Variants in ADPRHL1 observed in about 807,000 individuals in gnomAD.
ADPRHL1 encodes inactive ADP-ribosyltransferase ARH2.
A neutral mutation model predicts 44.1 loss-of-function variants in ADPRHL1; 43 were observed. The observed-to-expected ratio is 0.98, with a 90% CI of 0.76 to 1.26. The LOEUF (loss-of-function observed/expected upper bound fraction) is 1.26, where lower values mean the gene tolerates loss of function less well. ADPRHL1 is among the 50% of genes most tolerant of loss of function. ADPRHL1 has a pLI of 0.00. For missense variants in ADPRHL1, 2,022 were observed against 2,496.9 expected, an observed-to-expected ratio of 0.81 and a Z score of 4.05; for synonymous variants, 878 against 1,017.4, an observed-to-expected ratio of 0.86 and a Z score of 2.61.
At chr13:113,413,271 G>A (rs761993767) in intron 7 of ADPRHL1, among the ~76,000 whole-genome samples, 15 of 152,200 alleles carry the variant, frequency 9.9e-5, no homozygotes, top group Non-Finnish European at 1.8e-4. Flanking sequence ...CAACCTCGCT[G>A]TGCCCTTCAG....
rs1190113204 is a variant in ADPRHL1, at chr13:113,403,526, C to T, written c.5756G>A (p.Arg1919Lys). 3 of 1,231,940 alleles carry T rather than the reference C, an allele frequency of 2.4e-6. No individual in the cohort carries two copies. The highest frequency in any genetic ancestry group is 3.0e-6 in the Non-Finnish European group (3 of 988,042). 76.3% of individuals were successfully genotyped at this position (1,231,940 alleles called of 1,614,324 possible). ...ACGCTCGGGCTCCGATGCCTCCATC[C>T]TGTCCTGCAGGGCCCTCTCAGCCCC... ...HPGAERALQD[R>K]MEASEPERRG... Residue 1919 changes from arginine (R) to lysine (K), a missense_variant, in exon 8 of 8, where the codon AGG (arginine) becomes AAG (lysine). Coordinates refer to ENST00000612156, the MANE Select transcript of ADPRHL1 (RefSeq NM_001394807.1).
intron 7 of ADPRHL1, among the ~76,000 whole-genome samples, chr13:113,420,298 G>A (rs2043908809): frequency 6.6e-6 from 1 of 152,160 alleles, no homozygotes; most frequent in Non-Finnish European, 1.5e-5. Context: ...TTTTGTGTTT[G>A]TGTGTTTTAA....
intron 7 of ADPRHL1, among the ~76,000 whole-genome samples, chr13:113,414,367 A>G (rs2043876328): frequency 6.6e-6 from 1 of 151,924 alleles, no homozygotes; most frequent in South Asian, 2.1e-4. Context: ...CCCTCTGCGG[A>G]TGAGCCTGGA....
chr13:113,453,271 C>T lies in ADPRHL1; in HGVS notation c.167G>A (p.Ser56Asn). The T allele has an allele frequency of 6.2e-7, 1 of 1,614,210 alleles. No individual in the cohort carries two copies. Among genetic ancestry groups the T allele is most frequent in the Non-Finnish European group, 8.5e-7 (1 of 1,180,044 alleles). ...TGCGATGTGCATGATGGTGTTGTCACTCACGGGCCATTCTCCTGGCGAGAG... is the reference window on the plus strand; with the variant it reads ...TGCGATGTGCATGATGGTGTTGTCATTCACGGGCCATTCTCCTGGCGAGAG... ...LVLSPGEWPV[S>N]DNTIMHIATA... Residue 56 changes from serine (S) to asparagine (N), a missense_variant, in exon 1 of 8, where the codon AGT becomes AAT. Coordinates refer to ENST00000612156, the MANE Select transcript of ADPRHL1 (RefSeq NM_001394807.1). This position sits in a 1 kb window ranked among gnomAD's most constrained non-coding sequence, Gnocchi z 5.4.
At chr13:113,429,326 C>T (rs542466400) in intron 3 of ADPRHL1, among the ~76,000 whole-genome samples, 19 of 152,358 alleles carry the variant, frequency 1.2e-4, no homozygotes, top group Admixed American at 1.1e-3. Flanking sequence ...TCCACTCACC[C>T]CACCGCCCTC....
chr13:113,420,868 C>T, intron 7 of ADPRHL1, among the ~76,000 whole-genome samples: 1 of 150,920 alleles, frequency 6.6e-6, no homozygotes, highest in Admixed American at 6.6e-5. Flanking sequence ...CACCTAGCCC[C>T]AGGACCCGCC....
Position 113,406,190 on chromosome 13 carries a change from G to T in ADPRHL1, c.3092C>A (p.Thr1031Asn), listed in dbSNP as rs183941362. 4.9e-6 allele frequency: 6 copies of T among 1,232,206 alleles called. No homozygotes were observed. The Admixed American group carries it at 2.1e-4, about 43-fold the overall frequency. The allele number at this position is 1,232,206 out of a possible 1,614,324, so 76.3% of individuals were successfully genotyped here. A position where few individuals can be genotyped will look rare whatever the true frequency, so the allele number is the denominator to read the frequency against. Residue 1031 changes from threonine (T) to asparagine (N), a missense_variant, in exon 8 of 8, where the codon ACT (threonine) becomes AAT (asparagine). Around this residue, in one of 8 missense-constraint regions of ADPRHL1, gnomAD observed 1,221 missense variants for 1,517.8 expected, o/e 0.80. Transcript: ENST00000612156. ...ASSSQQVPSP[T>N]GRNPTGAPTS... ...GGGGGCTCCTGTTGGGTTTCTCCCAGTCGGGGACGGCACTTGCTGGCTGCT... is the reference window on the plus strand; with the variant it reads ...GGGGGCTCCTGTTGGGTTTCTCCCATTCGGGGACGGCACTTGCTGGCTGCT...
intron 2 of ADPRHL1, among the ~76,000 whole-genome samples, chr13:113,436,815 G>T (rs2044061415): frequency 5.6e-5 from 4 of 71,910 alleles, no homozygotes; most frequent in African/African-American, 2.4e-4. Flanking sequence ...GTGTACCCCG[G>T]GACCCGGCAC....
intron 4 of ADPRHL1, among the ~76,000 whole-genome samples, chr13:113,426,300 C>T (rs962638748): frequency 6.6e-6 from 1 of 152,208 alleles, no homozygotes; most frequent in African/African-American, 2.4e-5. Context: ...CGGTGAGCAC[C>T]CCTGCCCGCC....
chr13:113,424,182 C>T, intron 6 of ADPRHL1, 35 bp downstream of exon 6: 1 of 1,610,864 alleles, frequency 6.2e-7, no homozygotes, highest in Non-Finnish European at 8.5e-7. Flanking sequence ...GGGTGCTACC[C>T]TCCAGGAAGC....
At chr13:113,445,335 C>A (rs2044128944) in intron 1 of ADPRHL1, among the ~76,000 whole-genome samples, 1 of 152,268 alleles carries the variant, frequency 6.6e-6, no homozygotes, top group Non-Finnish European at 1.5e-5. Context: ...GCCTGCAAAG[C>A]CCGAGCATTT....
intron 1 of ADPRHL1, among the ~76,000 whole-genome samples, chr13:113,448,499 T>C (rs966504447): frequency 3.8e-5 from 5 of 130,282 alleles, no homozygotes; most frequent in Admixed American, 2.4e-4. Flanking sequence ...AAATGGTGCC[T>C]GAGTCTCCCA....
At position 113,401,241 on chromosome 13, in the gene ADPRHL1, CCT is replaced by C. The variant is rs1373945220; in HGVS notation, c.*2135_*2136del. On this transcript the variant is annotated 3_prime_UTR_variant, in exon 8 of 8. Transcript: ENST00000612156. This position sits in a 1 kb window ranked among gnomAD's most constrained non-coding sequence, Gnocchi z 5.5. ...CCACTCTGTCAGCCTCTGCTGGACC[CCT>C]GAGCTCCCCTCTCATGGGCCTCTCC... 1.3e-5 allele frequency: 2 copies of C among 152,218 alleles called. No individual in the cohort carries two copies. Among genetic ancestry groups the C allele is most frequent in the East Asian group, 3.9e-4 (2 of 5,158 alleles). The allele number at this position is 152,218 out of a possible 1,614,324, so 9.4% of individuals were successfully genotyped here.
Position 113,405,402 on chromosome 13 carries a change from G to C in ADPRHL1, c.3880C>G (p.Pro1294Ala). Residue 1294 changes from proline (P) to alanine (A), a missense_variant, in exon 8 of 8, where the codon CCA becomes GCA. Pro to Ala is a conservative substitution (Grantham distance 27). Transcript: ENST00000612156. ...ACGCCCTCCCTGCCCTTTGCCTGTG[G>C]GTTCTCAGGAGGCGACGGCGGGAGG... Reference protein sequence around the residue: ...PGLPPSPPENPQAKGREGVRF... With the variant: ...PGLPPSPPENAQAKGREGVRF... 8.1e-7 allele frequency: 1 copy of C among 1,231,920 alleles called. No homozygotes were observed. Among genetic ancestry groups the C allele is most frequent in the Non-Finnish European group, 1.0e-6 (1 of 988,110 alleles). 76.3% of individuals were successfully genotyped at this position (1,231,920 alleles called of 1,614,324 possible).
At position 113,403,935 on chromosome 13, in the gene ADPRHL1, G is replaced by A; in HGVS notation, c.5347C>T (p.Gln1783Ter). 2.3e-6 allele frequency: 3 copies of A among 1,284,522 alleles called. No individual in the cohort carries two copies. Among genetic ancestry groups the A allele is most frequent in the South Asian group, 3.0e-5 (1 of 33,062 alleles). The allele number at this position is 1,284,522 out of a possible 1,614,324, so 79.6% of individuals were successfully genotyped here. The change falls in exon 8 of 8, where the codon CAG (glutamine) becomes TAG (stop). Residue 1783 changes from glutamine (Q) to a stop codon, truncating the protein, a stop_gained. Coordinates refer to ENST00000612156, the MANE Select transcript of ADPRHL1 (RefSeq NM_001394807.1). LOFTEE classifies it low-confidence loss of function (END_TRUNC). ...RDRARDQGWE[Q>*]TQIETQRQTQ... ...TGCCTCTGAGTCTCTATCTGGGTCT[G>A]CTCCCAGCCCTGATCCCGAGCCCGA...
At position 113,407,078 on chromosome 13, in the gene ADPRHL1, G is replaced by C; in HGVS notation, c.2204C>G (p.Thr735Ser). The C allele has an allele frequency of 8.1e-7, 1 of 1,232,266 alleles. No individual in the cohort carries two copies. The highest frequency in any genetic ancestry group is 1.5e-5 in the African/African-American group (1 of 64,532). 76.3% of individuals were successfully genotyped at this position (1,232,266 alleles called of 1,614,324 possible). A position where few individuals can be genotyped will look rare whatever the true frequency, so the allele number is the denominator to read the frequency against. ...AGTCCCATCACCTCCGGCTGATCCG[G>C]TGCCCCAAGGGCTGGCCGGTCCCAG... The part of the protein sequence containing the change: ...SPLGPASPWG[T>S]GSAGGDGTAD... The change falls in exon 8 of 8, where the codon ACC becomes AGC. Residue 735 changes from threonine (T) to serine (S), a missense_variant. Physicochemically the swap from Thr to Ser is moderately conservative, Grantham distance 58. Coordinates refer to ENST00000612156, the MANE Select transcript of ADPRHL1 (RefSeq NM_001394807.1).
chr13:113,444,867 C>T (rs1321891620), intron 1 of ADPRHL1, among the ~76,000 whole-genome samples: 1 of 152,180 alleles, frequency 6.6e-6, no homozygotes, highest in Admixed American at 6.5e-5. Context: ...TTGTGATCTG[C>T]CCACCTCAGC....
rs1264476972 is a variant in ADPRHL1, at chr13:113,441,506, C to T, written c.379+2919G>A. On this transcript the variant is annotated intron_variant, in intron 2 of 7. Transcript: ENST00000612156. This position sits in a 1 kb window ranked among gnomAD's most constrained non-coding sequence, Gnocchi z 6.0. ...CACTGTGGCATACACGGTGTGGGAACCTCACCGTCATCGGCTTCCATCTCT... is the reference window on the plus strand; with the variant it reads ...CACTGTGGCATACACGGTGTGGGAATCTCACCGTCATCGGCTTCCATCTCT... Among the ~76,000 whole-genome samples the T allele has an allele frequency of 6.6e-6, 1 of 152,158 alleles. No individual in the cohort carries two copies. The highest frequency in any genetic ancestry group is 1.5e-5 in the Non-Finnish European group (1 of 68,040).
At chr13:113,418,290 ATGGC>A (rs1302619283) in intron 7 of ADPRHL1, among the ~76,000 whole-genome samples, 1 of 152,200 alleles carries the variant, frequency 6.6e-6, no homozygotes, top group Non-Finnish European at 1.5e-5. Flanking sequence ...CACCTGCTGC[ATGGC>A]TGGCCATTAG....
Sources: gnomAD v4.1 joint callset for allele counts (sites outside exome capture counted in the v4.1 genomes callset) on GRCh38, gnomAD v4.1.1 for gene constraint, gnomAD v4.1.1 regional missense constraint, Gnocchi (gnomAD v3.1) non-coding constraint, MANE v1.5 for transcripts, NCBI Gene and HGNC (gene_info 2026-07-23, HGNC 2026-07-21) for gene names.